Variants in FREM1 observed in about 807,000 individuals in gnomAD.
The protein encoded by FREM1 is FRAS1 related extracellular matrix 1.
Under a neutral mutation model 210.1 loss-of-function variants are expected in FREM1, and 220 were observed. The observed-to-expected ratio is 1.05, with a 90% confidence interval of 0.94 to 1.17. The LOEUF (loss-of-function observed/expected upper bound fraction) is 1.17, where lower values mean the gene tolerates loss of function less well. Ranked by LOEUF, FREM1 falls within the 50% of genes most tolerant of loss-of-function variation. The pLI is 0.00. For synonymous variants in FREM1, 1,189 were observed against 980.2 expected, an observed-to-expected ratio of 1.21 and a Z score of -3.98; for missense variants, 3,454 against 2,675.5, an observed-to-expected ratio of 1.29 and a Z score of -6.42.
intron 10 of FREM1, among the ~76,000 whole-genome samples, chr9:14,826,232 C>T (rs1218998065): frequency 5.9e-5 from 9 of 151,774 alleles, no homozygotes; most frequent in East Asian, 1.9e-4. Context: ...GCTGGGGCTA[C>T]GGGCTTCCAC....
intron 22 of FREM1, among the ~76,000 whole-genome samples, chr9:14,792,079 G>C (rs1216321198): frequency 1.3e-5 from 2 of 152,096 alleles, no homozygotes; most frequent in South Asian, 2.1e-4. Context: ...TCCTGACCTT[G>C]TGATCCGCCC....
chr9:14,816,800 G>C lies in FREM1; in HGVS notation c.2618C>G (p.Ala873Gly). The C allele has an allele frequency of 7.0e-7, 1 of 1,431,252 alleles. No individual in the cohort carries two copies. The highest frequency in any genetic ancestry group is 1.7e-5 in the South Asian group (1 of 59,912). 88.7% of individuals were successfully genotyped at this position (1,431,252 alleles called of 1,614,324 possible). ...CACCTCAACATGTAGTACAAATTCT[G>C]CTGAATTTGTGCCATCGGTGACCTC... is the stretch of plus-strand genomic sequence containing the variant. ...LLEVTDGTNS[A>G]EFVLHVEVFP... The change falls in exon 15 of 37, where the codon GCA becomes GGA. Residue 873 changes from alanine to glycine, a missense_variant. By Grantham distance (60) the Ala-to-Gly change is moderately conservative. Coordinates refer to ENST00000380880, the MANE Select transcript of FREM1 (RefSeq NM_001379081.2).
chr9:14,767,910 G>C (rs1392494000), intron 27 of FREM1, among the ~76,000 whole-genome samples: 1 of 152,102 alleles, frequency 6.6e-6, no homozygotes, highest in African/African-American at 2.4e-5. Flanking sequence ...ATTACGTCAA[G>C]TTGAACTGGA....
intron 6 of FREM1, among the ~76,000 whole-genome samples, chr9:14,849,134 T>A (rs1231063836): frequency 6.6e-6 from 1 of 152,150 alleles, no homozygotes; most frequent in Non-Finnish European, 1.5e-5. Flanking sequence ...CTAGGGGTGA[T>A]GTTGTCCCAC....
At chr9:14,825,548 T>TGTGTGTGTATATATATAC (rs1554685284) in intron 10 of FREM1, among the ~76,000 whole-genome samples, 8 of 43,314 alleles carry the variant, frequency 1.8e-4, no homozygotes, top group African/African-American at 5.1e-4. Flanking sequence ...TGTGTGTGTG[T>TGTGTGTGTATATATATAC]ATATATATAT....
At chr9:14,769,913 AT>A in intron 26 of FREM1, 45 bp from the exon 27 acceptor site, 1 of 986,574 alleles carries the variant, frequency 1.0e-6, no homozygotes. Context: ...CAAACAAAAC[AT>A]TAAATAAAAG....
At chr9:14,757,870 A>T (rs1844721596) in intron 28 of FREM1, among the ~76,000 whole-genome samples, 1 of 152,230 alleles carries the variant, frequency 6.6e-6, no homozygotes, top group South Asian at 2.1e-4. Flanking sequence ...CTCTTTGTCT[A>T]CAATGCCAAG....
At chr9:14,840,253 G>A (rs1825430395) in intron 10 of FREM1, among the ~76,000 whole-genome samples, 1 of 152,174 alleles carries the variant, frequency 6.6e-6, no homozygotes, top group South Asian at 2.1e-4. Flanking sequence ...AATTTGCTTG[G>A]ATCCATATAC....
chr9:14,808,049 A>G lies in FREM1; in HGVS notation c.2979T>C (p.Cys993=). Residue 993 remains cysteine (C), a synonymous_variant, in exon 17 of 37, where the codon TGT becomes TGC. Transcript: ENST00000380880. ...CAGATGGATTGGGTCCATTGTAGCA[A>G]CAGCCATTCACAAAAGGGCCAGCCT... ...DGEAGPFVNG[C]CYNGPNPSVP... is the part of the protein sequence containing the mutation. 6.2e-7 allele frequency: 1 copy of G among 1,613,760 alleles called. No homozygotes were observed. Among genetic ancestry groups the G allele is most frequent in the African/African-American group, 1.3e-5 (1 of 75,056 alleles).
chr9:14,738,130 T>C (rs1238429269), intron 36 of FREM1, among the ~76,000 whole-genome samples: 1 of 152,146 alleles, frequency 6.6e-6, no homozygotes. Flanking sequence ...CTGCTACAAT[T>C]CCAATAAAAA....
At chr9:14,821,101 T>C (rs1461954857) in intron 13 of FREM1, among the ~76,000 whole-genome samples, 1 of 152,220 alleles carries the variant, frequency 6.6e-6, no homozygotes, top group Non-Finnish European at 1.5e-5. Flanking sequence ...CTCAGGTTTC[T>C]GGGACTCAGG....
At chr9:14,898,941 A>G (rs927613092) in intron 1 of FREM1, among the ~76,000 whole-genome samples, 1 of 152,204 alleles carries the variant, frequency 6.6e-6, no homozygotes, top group African/African-American at 2.4e-5. Flanking sequence ...TTTTTCTATA[A>G]ACCTAAAACA....
At chr9:14,759,621 G>C (rs1845103813) in intron 28 of FREM1, 151 bp downstream of exon 28, 2 of 570,646 alleles carry the variant, frequency 3.5e-6, no homozygotes, top group Non-Finnish European at 2.8e-6. Flanking sequence ...GGGCCAAGGA[G>C]GTTTTGTGCT....
chr9:14,782,724 A>C (rs1333845273), intron 24 of FREM1, among the ~76,000 whole-genome samples: 1 of 152,240 alleles, frequency 6.6e-6, no homozygotes, highest in Admixed American at 6.5e-5. Context: ...CAACGACAGT[A>C]AGAGTAGTAG....
intron 21 of FREM1, among the ~76,000 whole-genome samples, chr9:14,797,061 T>A (rs1465521228): frequency 6.6e-6 from 1 of 152,208 alleles, no homozygotes; most frequent in Non-Finnish European, 1.5e-5. Flanking sequence ...GTTGATTTAT[T>A]TCCCTCCGCC....
chr9:14,860,182 C>G, intron 3 of FREM1, among the ~76,000 whole-genome samples: 1 of 152,014 alleles, frequency 6.6e-6, no homozygotes, highest in East Asian at 1.9e-4. Flanking sequence ...TAACATAATC[C>G]TTATAAAAAC....
At chr9:14,822,158 G>A (rs1024769037) in intron 13 of FREM1, among the ~76,000 whole-genome samples, 1 of 152,148 alleles carries the variant, frequency 6.6e-6, no homozygotes, top group Non-Finnish European at 1.5e-5. Flanking sequence ...CTTCTGCCAT[G>A]GTTGTGAGGC....
chr9:14,901,746 C>T (rs563019803), intron 1 of FREM1, among the ~76,000 whole-genome samples: 72 of 152,286 alleles, frequency 4.7e-4, no homozygotes, highest in Non-Finnish European at 8.7e-4. Context: ...CAGAAAGAAG[C>T]TCAATCTACA....
intron 1 of FREM1, among the ~76,000 whole-genome samples, chr9:14,876,760 G>C (rs765191968): frequency 6.6e-6 from 1 of 152,150 alleles, no homozygotes; most frequent in African/African-American, 2.4e-5. Context: ...GAAATCACCC[G>C]TCTTCTGCAT....
Sources: gnomAD v4.1 joint callset for allele counts (sites outside exome capture counted in the v4.1 genomes callset) on GRCh38, gnomAD v4.1.1 for gene constraint, MANE v1.5 for transcripts, NCBI Gene and HGNC (gene_info 2026-07-23, HGNC 2026-07-21) for gene names.